KCNN3: variants seen among roughly 807,000 people sequenced by gnomAD.
KCNN3 encodes small conductance calcium-activated potassium channel protein 3.
In KCNN3, 16 loss-of-function variants were observed where a neutral mutation model predicts 62.9. The ratio of observed to expected loss-of-function variants is 0.25; its 90% CI spans 0.17 to 0.39. The LOEUF (loss-of-function observed/expected upper bound fraction) is 0.39, where lower values mean the gene tolerates loss of function less well. Ranked by LOEUF, KCNN3 falls within the 10% of genes least tolerant of loss-of-function variation. KCNN3 has a pLI of 1.00. For synonymous variants in KCNN3, 370 were observed against 389.2 expected, an observed-to-expected ratio of 0.95 and a Z score of 0.58; for missense variants, 599 against 949.4, an observed-to-expected ratio of 0.63 and a Z score of 4.85.
chr1:154,817,716 A>G (rs1650724481), intron 2 of KCNN3, among the ~76,000 whole-genome samples: 1 of 152,214 alleles, frequency 6.6e-6, no homozygotes, highest in Non-Finnish European at 1.5e-5. Flanking sequence ...CACCAGGGCC[A>G]TTCATTAGAG....
At chr1:154,832,052 C>T (rs1651397254) in intron 1 of KCNN3, among the ~76,000 whole-genome samples, 1 of 151,998 alleles carries the variant, frequency 6.6e-6, no homozygotes, top group Non-Finnish European at 1.5e-5. Flanking sequence ...GCAGGCAGCC[C>T]GGCCCACCCT....
intron 7 of KCNN3, among the ~76,000 whole-genome samples, chr1:154,711,043 C>T (rs948186192): frequency 2.0e-5 from 3 of 152,052 alleles, no homozygotes; most frequent in East Asian, 1.9e-4. Context: ...CACATGCACA[C>T]GTATGTTTAT....
At chr1:154,713,301 T>C (rs1700116507) in intron 7 of KCNN3, among the ~76,000 whole-genome samples, 163 bp downstream of exon 7, 1 of 152,094 alleles carries the variant, frequency 6.6e-6, no homozygotes, top group South Asian at 2.1e-4. Context: ...AGATTGCAAA[T>C]GAAACAAACT....
rs1162175838 is a variant in KCNN3 at position 154,702,395 on chromosome 1, C to A, written c.*5581G>T. 4 of 151,562 alleles carry A rather than the reference C, an allele frequency of 2.6e-5. No homozygotes were observed. Among genetic ancestry groups the A allele is most frequent in the Non-Finnish European group, 5.9e-5 (4 of 67,942 alleles). 9.4% of individuals were successfully genotyped at this position (151,562 alleles called of 1,614,324 possible). A position where few individuals can be genotyped will look rare whatever the true frequency, so the allele number is the denominator to read the frequency against. On this transcript the variant is annotated 3_prime_UTR_variant, in exon 8 of 8. Transcript: ENST00000271915. ...TAAAAAATAGCAAGCAGTACAGAGG[C>A]AAGATGCAAATTCATATTAAAGCTC... is the stretch of plus-strand genomic sequence containing the variant.
intron 2 of KCNN3, among the ~76,000 whole-genome samples, chr1:154,813,067 G>C (rs1026197261): frequency 6.6e-6 from 1 of 152,212 alleles, no homozygotes; most frequent in Admixed American, 6.5e-5. Context: ...ACACAACTGA[G>C]ATTGAGCTAG....
chr1:154,836,407 G>A (rs1288171896), intron 1 of KCNN3, among the ~76,000 whole-genome samples: 1 of 152,148 alleles, frequency 6.6e-6, no homozygotes, highest in Non-Finnish European at 1.5e-5. Flanking sequence ...ACAGATCTCT[G>A]AGCTCCCCTA....
intron 2 of KCNN3, among the ~76,000 whole-genome samples, chr1:154,775,125 G>T (rs962316696): frequency 5.3e-5 from 8 of 152,176 alleles, no homozygotes; most frequent in African/African-American, 1.7e-4. Context: ...CTCCTTGATG[G>T]TCTGGGCCAA....
At chr1:154,853,809 T>A (rs1652405001) in intron 1 of KCNN3, among the ~76,000 whole-genome samples, 1 of 151,488 alleles carries the variant, frequency 6.6e-6, no homozygotes, top group East Asian at 1.9e-4. Flanking sequence ...CTGGGCATGG[T>A]GGTATGTGCC....
chr1:154,869,851 C>CTGT lies in KCNN3; in HGVS notation c.111_113dup (p.Gln41dup), dbSNP rs1653113405. On this transcript the variant is annotated inframe_insertion, in exon 1 of 8. Transcript: ENST00000271915. The surrounding 1 kb of genome is among the most constrained non-coding windows in gnomAD (Gnocchi z 6.1). ...GCGCTGGCGGTGGTGGCTGCTGCTG[C>CTGT]TGTTGCTGCTGCTGCTGCTGCTGCT... 6.3e-7 allele frequency: 1 copy of CTGT among 1,582,252 alleles called. No individual in the cohort carries two copies. The highest frequency in any genetic ancestry group is 8.6e-7 in the Non-Finnish European group (1 of 1,163,264).
chr1:154,816,505 G>A (rs115263484), intron 2 of KCNN3, among the ~76,000 whole-genome samples: 2,252 of 152,258 alleles, frequency 0.015, 47 homozygotes, highest in African/African-American at 0.051. Flanking sequence ...ATGTAGGGAC[G>A]GCACCTCCCA....
At chr1:154,815,065 G>A (rs113876724) in intron 2 of KCNN3, among the ~76,000 whole-genome samples, 233 of 152,254 alleles carry the variant, frequency 1.5e-3, no homozygotes, top group African/African-American at 5.5e-3. Flanking sequence ...CGAGTGGCCC[G>A]AGCTCCCTCC....
intron 3 of KCNN3, among the ~76,000 whole-genome samples, chr1:154,743,611 G>GAA (rs1319600392): frequency 6.6e-6 from 1 of 152,200 alleles, no homozygotes; most frequent in Non-Finnish European, 1.5e-5. Context: ...ACAGTCGGTG[G>GAA]AAAGCGTACT....
At chr1:154,766,976 T>TGGCC (rs921956999) in intron 3 of KCNN3, among the ~76,000 whole-genome samples, 1 of 152,062 alleles carries the variant, frequency 6.6e-6, no homozygotes, top group Non-Finnish European at 1.5e-5. Flanking sequence ...CCACCGAGCC[T>TGGCC]GGCCATTCCT....
At chr1:154,845,477 C>A (rs531654487) in intron 1 of KCNN3, among the ~76,000 whole-genome samples, 5 of 152,188 alleles carry the variant, frequency 3.3e-5, no homozygotes, top group African/African-American at 1.2e-4. Flanking sequence ...GACTCCTACA[C>A]CCCCGGGCCC....
chr1:154,789,086 G>A (rs1649403084), intron 2 of KCNN3, among the ~76,000 whole-genome samples: 4 of 152,186 alleles, frequency 2.6e-5, no homozygotes, highest in Non-Finnish European at 5.9e-5. Flanking sequence ...TAACGTGGAG[G>A]TTGTCCGCAG....
chr1:154,858,812 C>T (rs184250479), intron 1 of KCNN3, among the ~76,000 whole-genome samples: 1,534 of 151,662 alleles, frequency 0.01, 9 homozygotes, highest in Middle Eastern at 0.031. Flanking sequence ...CTCAACCGAT[C>T]CTCCCGCCTC....
In KCNN3 at chr1:154,772,978, A is replaced by T. The variant is rs1423633582; in HGVS notation, c.1030-585T>A. On this transcript the variant is annotated intron_variant, in intron 2 of 7. Transcript: ENST00000271915. This position sits in a 1 kb window ranked among gnomAD's most constrained non-coding sequence, Gnocchi z 5.6. The stretch of plus-strand genomic sequence containing the variant: ...ATTATGTCGGTGTAATGAAACCTCC[A>T]CAAAATCCCAAAAAGACAGTGTTTT... 6.6e-6 allele frequency among the ~76,000 whole-genome samples: 1 copy of T among 152,170 alleles called. No individual in the cohort carries two copies. The highest frequency in any genetic ancestry group is 1.5e-5 in the Non-Finnish European group (1 of 68,044).
At chr1:154,727,477 A>G (rs561055441) in intron 4 of KCNN3, among the ~76,000 whole-genome samples, 25 of 152,354 alleles carry the variant, frequency 1.6e-4, no homozygotes, top group African/African-American at 5.8e-4. Flanking sequence ...ACAGGCTGAC[A>G]AAGGCTAGCC....
chr1:154,762,003 A>G (rs1200750526), intron 3 of KCNN3, among the ~76,000 whole-genome samples: 1 of 140,694 alleles, frequency 7.1e-6, no homozygotes, highest in Non-Finnish European at 1.6e-5. Flanking sequence ...AAACACGTTG[A>G]TTTGATTTTT....
Sources: gnomAD v4.1 joint callset for allele counts (sites outside exome capture counted in the v4.1 genomes callset) on GRCh38, gnomAD v4.1.1 for gene constraint, Gnocchi (gnomAD v3.1) non-coding constraint, MANE v1.5 for transcripts, NCBI Gene and HGNC (gene_info 2026-07-23, HGNC 2026-07-21) for gene names.